The following NUP160 variants were observed in gnomAD, a reference collection of about 807,000 sequenced individuals.
NUP160 encodes the protein nucleoporin 160.
NUP160 carries 94 observed loss-of-function variants against 196.9 expected under a neutral mutation model. That is an observed-to-expected ratio of 0.48 (90% CI 0.40 to 0.57). NUP160 has a LOEUF of 0.57. Ranked by LOEUF, NUP160 falls within the 20% of genes least tolerant of loss-of-function variation. NUP160 has a pLI of 0.00. For synonymous variants in NUP160, 605 were observed against 619.7 expected (o/e 0.98, Z 0.35); for missense variants, 1,638 against 1,748.3 (o/e 0.94, Z 1.13).
chr11:47,780,468 T>C, intron 34 of NUP160, 21 bp from the exon 35 acceptor site: 1 of 1,519,790 alleles, frequency 6.6e-7, no homozygotes, highest in Non-Finnish European at 9.1e-7. Context: ...AATGTTTATT[T>C]GAAAACAGTC....
intron 35 of NUP160, chr11:47,779,449 CTAA>C (rs2097659351): frequency 2.1e-6 from 1 of 486,410 alleles, no homozygotes; most frequent in African/African-American, 2.0e-5. Context: ...ACCAGTATTT[CTAA>C]TAAAAGGATC....
At chr11:47,819,575 C>G in intron 9 of NUP160, 117 bp from the exon 10 acceptor site, 1 of 559,946 alleles carries the variant, frequency 1.8e-6, no homozygotes, top group East Asian at 3.0e-5. Flanking sequence ...ATGACTGCTT[C>G]ATCAATTCTA....
At chr11:47,813,853 C>T (rs750239721) in intron 13 of NUP160, among the ~76,000 whole-genome samples, 5 of 151,816 alleles carry the variant, frequency 3.3e-5, no homozygotes, top group Non-Finnish European at 2.9e-5. Context: ...GGGTGGATCA[C>T]GAGGTCAGGG....
Position 47,848,106 on chromosome 11 carries a change from G to A in NUP160, c.202+113C>T, listed in dbSNP as rs530674024. The A allele has an allele frequency of 1.7e-4, 230 of 1,345,608 alleles. 2 individuals carry two copies. In the South Asian group the frequency reaches 2.5e-3, roughly 15 times the overall value. The allele number at this position is 1,345,608 out of a possible 1,614,324, so 83.4% of individuals were successfully genotyped here. On this transcript the variant is annotated intron_variant, in intron 1 of 35. Transcript: ENST00000378460. Reference sequence around the variant, plus strand: ...GACATCAAGGAATCTCTGATCCCGGGGCTAGAGGCATGTGGACTCAGGAGG... The same window carrying A: ...GACATCAAGGAATCTCTGATCCCGGAGCTAGAGGCATGTGGACTCAGGAGG...
chr11:47,809,679 C>T (rs534856307), intron 17 of NUP160, among the ~76,000 whole-genome samples: 1 of 122,638 alleles, frequency 8.2e-6, no homozygotes, highest in Non-Finnish European at 1.6e-5. Context: ...ACCCAGGAGG[C>T]GGAGGTTGCA....
chr11:47,797,797 G>A lies in NUP160; in HGVS notation c.3271C>T (p.Arg1091Cys), dbSNP rs551317169. Residue 1091 changes from arginine (R) to cysteine (C), a missense_variant, in exon 27 of 36, where the codon CGC becomes TGC. Arg to Cys is a radical substitution (Grantham distance 180). Coordinates refer to ENST00000378460, the Ensembl canonical transcript of NUP160. ...TGCTCACCCTTGCGGTAATTGTGGC[G>A]ATAGATGTGAAAGGCATACAGAAGT... is the stretch of plus-strand genomic sequence containing the variant. The A allele has an allele frequency of 5.6e-6, 9 of 1,611,914 alleles. No homozygotes were observed. The Admixed American group carries it at 6.7e-5, about 12-fold the overall frequency.
chr11:47,847,789 C>A, intron 2 of NUP160, 59 bp downstream of exon 2: 1 of 1,234,272 alleles, frequency 8.1e-7, no homozygotes, highest in Non-Finnish European at 1.2e-6. Context: ...GGTACAGCGA[C>A]GAAAATTTAT....
intron 11 of NUP160, among the ~76,000 whole-genome samples, chr11:47,817,382 C>T (rs1227713560): frequency 3.3e-5 from 5 of 150,736 alleles, no homozygotes; most frequent in East Asian, 1.9e-4. Flanking sequence ...CTCACTCTGC[C>T]GCCAGTTTGG....
chr11:47,831,842 C>CAAAAAAAAAAAAAAAAAAAAA (rs372159602), intron 7 of NUP160, among the ~76,000 whole-genome samples: 6 of 66,682 alleles, frequency 9.0e-5, no homozygotes, highest in African/African-American at 4.3e-4. Flanking sequence ...GACTCTCTCT[C>CAAAAAAAAAAAAAAAAAAAAA]AAAAAAAAAA....
Position 47,818,051 on chromosome 11 carries a change from C to A in NUP160, c.1431+5G>T. ...TTAAACAAACAGTAAATTTTTTTTG[C>A]TGACCTGTAAAGCCTTACATAAAGC... On this transcript the variant is annotated splice_donor_5th_base_variant and intron_variant, in intron 11 of 35. Coordinates refer to ENST00000378460, the Ensembl canonical transcript of NUP160. 1 of 1,587,512 alleles carries A rather than the reference C, an allele frequency of 6.3e-7. No individual in the cohort carries two copies. Among genetic ancestry groups the A allele is most frequent in the South Asian group, 1.1e-5 (1 of 88,170 alleles).
intron 4 of NUP160, among the ~76,000 whole-genome samples, chr11:47,838,003 TTA>T (rs1282248794): frequency 1.3e-5 from 2 of 152,198 alleles, no homozygotes; most frequent in Non-Finnish European, 2.9e-5. Flanking sequence ...CTCCTGGAAC[TTA>T]TATTCCTTTG....
At chr11:47,786,511 C>A (rs949364032) in exon 32 of NUP160, 1 of 1,614,078 alleles carries the variant, frequency 6.2e-7, no homozygotes, top group Middle Eastern at 1.6e-4. Context: ...CAGGCCCAGG[C>A]TTCTGCTTGT....
intron 23 of NUP160, among the ~76,000 whole-genome samples, chr11:47,799,384 C>A (rs1303067420): frequency 1.3e-5 from 2 of 151,154 alleles, no homozygotes; most frequent in Admixed American, 1.3e-4. Flanking sequence ...CTGTGCCCGG[C>A]CTGACAAACA....
chr11:47,797,805 T>C, exon 27 of NUP160: 1 of 1,613,026 alleles, frequency 6.2e-7, no homozygotes, highest in Non-Finnish European at 8.5e-7. Flanking sequence ...GCGATAGATG[T>C]GAAAGGCATA....
chr11:47,790,349 T>G (rs1259403307), intron 29 of NUP160, among the ~76,000 whole-genome samples: 2 of 151,982 alleles, frequency 1.3e-5, no homozygotes, highest in Non-Finnish European at 2.9e-5. Context: ...AACCTCAGCC[T>G]CCCGAGTTCA....
At chr11:47,837,583 C>T in exon 5 of NUP160, 1 of 1,614,168 alleles carries the variant, frequency 6.2e-7, no homozygotes. Flanking sequence ...GCAATCGTTG[C>T]ATTACTGAAC....
intron 29 of NUP160, among the ~76,000 whole-genome samples, chr11:47,788,886 T>C (rs1181157962): frequency 2.6e-5 from 4 of 152,086 alleles, no homozygotes; most frequent in Admixed American, 6.6e-5. Flanking sequence ...CTTTTTTTTT[T>C]TTTTTTAAGG....
rs759088901 is a variant in NUP160 at position 47,815,584 on chromosome 11, G to C, written c.1581C>G (p.Phe527Leu). ...GACAACAGGCATAGAACTTGCACCA[G>C]AATTCTTGTTGTAAATTTCGAAACT... Residue 527 changes from phenylalanine to leucine, a missense_variant, in exon 13 of 36, where the codon TTC (phenylalanine) becomes TTG (leucine). Transcript: ENST00000378460. 2.0e-5 allele frequency: 32 copies of C among 1,612,926 alleles called. 1 individual carries two copies. The highest frequency in any genetic ancestry group is 1.7e-4 in the Admixed American group (10 of 59,746).
chr11:47,805,514 G>A (rs2097677015), intron 20 of NUP160, among the ~76,000 whole-genome samples: 2 of 145,898 alleles, frequency 1.4e-5, no homozygotes, highest in Admixed American at 1.4e-4. Context: ...GCGCAATCTC[G>A]GCTCACTGCA....
Sources: gnomAD v4.1 joint callset for allele counts (sites outside exome capture counted in the v4.1 genomes callset) on GRCh38, gnomAD v4.1.1 for gene constraint, MANE v1.5 for transcripts, NCBI Gene and HGNC (gene_info 2026-07-23, HGNC 2026-07-21) for gene names.